The following FAAH2 variants were observed in gnomAD, a reference collection of about 807,000 sequenced individuals.
FAAH2 encodes the protein fatty acid amide hydrolase 2.
A neutral mutation model predicts 36.9 loss-of-function variants in FAAH2; 60 were observed. That is an observed-to-expected ratio of 1.63 (90% confidence interval 1.32 to 2.02). The LOEUF is 2.02. Ranked by LOEUF, FAAH2 falls within the 30% of genes most tolerant of loss-of-function variation. The pLI, the probability that FAAH2 is intolerant of heterozygous loss-of-function variation, is 0.00. For synonymous variants in FAAH2, 214 were observed against 143.8 expected (o/e 1.49, Z -3.49); for missense variants, 689 against 397.5 (o/e 1.73, Z -6.23).
intron 2 of FAAH2, among the ~76,000 whole-genome samples, chrX:57,309,877 G>A (rs1052694051): frequency 3.6e-5 from 4 of 111,573 alleles, no homozygotes; most frequent in African/African-American, 1.3e-4. Flanking sequence ...GTAAATAGTG[G>A]CGCAATGAAC....
chrX:57,248,954 G>T, the FAAH2 span, among the ~76,000 whole-genome samples: 1 of 109,226 alleles, frequency 9.2e-6, no homozygotes, highest in East Asian at 2.8e-4. Context: ...TAATATGTCT[G>T]CCTAATTCTG....
intron 7 of FAAH2, among the ~76,000 whole-genome samples, chrX:57,388,002 A>G (rs1241844461): frequency 9.0e-6 from 1 of 110,905 alleles, no homozygotes; most frequent in African/African-American, 3.3e-5. Context: ...CAGGATGGCT[A>G]TATTTTATAG....
intron 3 of FAAH2, among the ~76,000 whole-genome samples, chrX:57,314,726 C>T (rs1241751234): frequency 9.0e-6 from 1 of 110,614 alleles, no homozygotes; most frequent in East Asian, 2.8e-4. Context: ...CAAAAAAAAT[C>T]TCTAAAATTA....
intron 2 of FAAH2, among the ~76,000 whole-genome samples, chrX:57,293,736 T>G (rs2052053837): frequency 3.6e-5 from 4 of 111,499 alleles, no homozygotes; most frequent in Admixed American, 9.6e-5. Context: ...GAGCTTGTTT[T>G]TGTGTATGAG....
chrX:57,429,521 T>A (rs752078945), intron 7 of FAAH2, among the ~76,000 whole-genome samples: 75 of 110,889 alleles, frequency 6.8e-4, no homozygotes, highest in African/African-American at 2.4e-3. Context: ...TACTAAGAAG[T>A]CAAAAAATAA....
At chrX:57,260,590 A>G in the FAAH2 span, among the ~76,000 whole-genome samples, 1 of 112,057 alleles carries the variant, frequency 8.9e-6, no homozygotes, top group Non-Finnish European at 1.9e-5. Flanking sequence ...TTTGCTCTTG[A>G]AAACACAGTG....
chrX:57,263,102 C>T, the FAAH2 span, among the ~76,000 whole-genome samples: 1 of 111,208 alleles, frequency 9.0e-6, no homozygotes. Context: ...AAGTTCCAGA[C>T]AATGCAGTTA....
the FAAH2 span, among the ~76,000 whole-genome samples, chrX:57,155,779 C>G: frequency 8.9e-6 from 1 of 112,123 alleles, no homozygotes; most frequent in African/African-American, 3.2e-5. Context: ...CCTCTGGCAG[C>G]CCTCCTCAAG....
At chrX:57,247,449 C>A in the FAAH2 span, among the ~76,000 whole-genome samples, 1 of 111,127 alleles carries the variant, frequency 9.0e-6, no homozygotes, top group East Asian at 2.9e-4. Flanking sequence ...AAAATACAGC[C>A]ATTTAAAGAA....
chrX:57,438,524 T>C (rs1463073312), intron 8 of FAAH2, among the ~76,000 whole-genome samples: 2 of 110,292 alleles, frequency 1.8e-5, no homozygotes, highest in Non-Finnish European at 3.8e-5. Context: ...AATCTACAGA[T>C]TTAATACTTT....
intron 7 of FAAH2, among the ~76,000 whole-genome samples, chrX:57,407,660 A>T (rs984466487): frequency 9.9e-5 from 11 of 111,575 alleles, no homozygotes; most frequent in African/African-American, 3.6e-4. Flanking sequence ...TTTTATGAGG[A>T]GAACTGGCAT....
In FAAH2 at chrX:57,446,944, T is replaced by A; in HGVS notation, c.1133T>A (p.Val378Glu). 1 of 1,207,489 alleles carries A rather than the reference T, an allele frequency of 8.3e-7. No homozygotes were observed. The highest frequency in any genetic ancestry group is 1.1e-6 in the Non-Finnish European group (1 of 893,226). ...CAATCTCAGGAACCTGTGAAATTTGTAGATTTGCTTGGTGACCATGGGAAA... is the reference window on the plus strand; with the variant it reads ...CAATCTCAGGAACCTGTGAAATTTGAAGATTTGCTTGGTGACCATGGGAAA... The part of the protein sequence containing the change: ...GHDGKEPVKF[V>E]DLLGDHGKHV... Residue 378 changes from valine to glutamate, a missense_variant, in exon 9 of 11, where the codon GTA (valine) becomes GAA (glutamate). Physicochemically the swap from Val to Glu is moderately radical, Grantham distance 121. Coordinates refer to ENST00000374900, the MANE Select transcript of FAAH2 (RefSeq NM_174912.4).
the FAAH2 span, among the ~76,000 whole-genome samples, chrX:57,209,063 T>C: frequency 8.0e-5 from 9 of 111,980 alleles, no homozygotes; most frequent in African/African-American, 2.9e-4. Flanking sequence ...CCTAGGACTC[T>C]CCTTTAAGGG....
chrX:57,360,117 C>A (rs150552804), intron 5 of FAAH2, among the ~76,000 whole-genome samples: 1 of 110,040 alleles, frequency 9.1e-6, no homozygotes, highest in Admixed American at 9.8e-5. Context: ...AAGATTCTCT[C>A]TTTATCTGTG....
chrX:57,308,474 G>A (rs767408481), intron 2 of FAAH2, among the ~76,000 whole-genome samples: 2 of 110,857 alleles, frequency 1.8e-5, no homozygotes, highest in South Asian at 7.6e-4. Flanking sequence ...CTTTTAAGTG[G>A]GGTTATTTAT....
intron 3 of FAAH2, among the ~76,000 whole-genome samples, chrX:57,327,671 C>A (rs1213784237): frequency 1.8e-5 from 2 of 111,673 alleles, no homozygotes; most frequent in African/African-American, 3.3e-5. Context: ...AGTTCTGGTG[C>A]TGTGGTTTTT....
At chrX:57,472,363 G>T (rs1334764958) in intron 10 of FAAH2, among the ~76,000 whole-genome samples, 6 of 111,937 alleles carry the variant, frequency 5.4e-5, no homozygotes, top group Non-Finnish European at 1.1e-4. Flanking sequence ...GGGCTAATAT[G>T]CAGAATCTAC....
At chrX:57,240,708 CATCAGCAGAAGCTGCGGGTGGTGCTT>C in the FAAH2 span, among the ~76,000 whole-genome samples, 2 of 112,256 alleles carry the variant, frequency 1.8e-5, no homozygotes, top group South Asian at 7.4e-4. Flanking sequence ...GGTGAGTGCA[CATCAGCAGAAGCTGCGGGTGGTGCTT>C]ATCAGCAGAA....
At chrX:57,150,505 T>C in the FAAH2 span, among the ~76,000 whole-genome samples, 2 of 112,223 alleles carry the variant, frequency 1.8e-5, no homozygotes, top group Non-Finnish European at 3.8e-5. Context: ...ATCCCTTTTC[T>C]ATTATGTAAT....
Sources: gnomAD v4.1 joint callset for allele counts (sites outside exome capture counted in the v4.1 genomes callset) on GRCh38, gnomAD v4.1.1 for gene constraint, MANE v1.5 for transcripts, NCBI Gene and HGNC (gene_info 2026-07-23, HGNC 2026-07-21) for gene names.